Variants in FASN observed in about 807,000 individuals in gnomAD.
FASN encodes 3-hydroxyacyl-[acyl-carrier-protein] dehydratase.
Under a neutral mutation model 250.0 loss-of-function variants are expected in FASN, and 50 were observed. The ratio of observed to expected loss-of-function variants is 0.20; its 90% CI spans 0.16 to 0.25. FASN has a LOEUF of 0.25. Among genes scored for constraint, FASN ranks in the 10% least tolerant of loss-of-function variants. The probability of loss-of-function intolerance (pLI) is 1.00; values close to 1 mark genes in which losing one functional copy is unlikely to be tolerated. For synonymous variants in FASN, 1,909 were observed against 1,584.0 expected (o/e 1.21, Z -4.87); for missense variants, 3,031 against 3,498.5 (o/e 0.87, Z 3.37).
At position 82,085,957 on chromosome 17, in the gene FASN, T is replaced by G. The variant is rs534243788; in HGVS notation, c.3733-86A>C. The G allele has an allele frequency of 7.6e-5, 108 of 1,418,964 alleles. No individual in the cohort carries two copies. The African/African-American group carries it at 1.3e-3, about 17-fold the overall frequency. 87.9% of individuals were successfully genotyped at this position (1,418,964 alleles called of 1,614,324 possible). ...GGGCAAAATGTCCATGAGGCCTCAG[T>G]CTGGCAGAAAGGCTTCCCCGTCAAC... On this transcript the variant is annotated intron_variant, in intron 22 of 42. Coordinates refer to ENST00000306749, the MANE Select transcript of FASN (RefSeq NM_004104.5).
In FASN at chr17:82,078,922, G is replaced by A. The variant is rs560497774; in HGVS notation, c.*221C>T. 1.6e-6 allele frequency: 1 copy of A among 630,496 alleles called. No individual in the cohort carries two copies. The highest frequency in any genetic ancestry group is 2.7e-5 in the Admixed American group (1 of 37,178). The allele number at this position is 630,496 out of a possible 1,614,324, so 39.1% of individuals were successfully genotyped here. Reference sequence around the variant, plus strand: ...GCACCACCGGCTCTTCACAGACCAGGAGTCTCCAAGTCGGCAGCTCTGGTG... The same window carrying A: ...GCACCACCGGCTCTTCACAGACCAGAAGTCTCCAAGTCGGCAGCTCTGGTG... On this transcript the variant is annotated 3_prime_UTR_variant, in exon 43 of 43. Coordinates refer to ENST00000306749, the MANE Select transcript of FASN (RefSeq NM_004104.5). The surrounding 1 kb of genome is among the most constrained non-coding windows in gnomAD (Gnocchi z 5.4).
chr17:82,092,713 T>C lies in FASN; in HGVS notation c.878A>G (p.His293Arg). The C allele has an allele frequency of 6.3e-7, 1 of 1,591,722 alleles. No individual in the cohort carries two copies. The highest frequency in any genetic ancestry group is 8.5e-7 in the Non-Finnish European group (1 of 1,171,334). ...APESFEYIEA[H>R]GTGTKVGDPQ... The stretch of plus-strand genomic sequence containing the variant: ...GGGCATCACCTTGGTGCCTGTGCCG[T>C]GGGCTTCGATGTATTCAAATGACTC... The change falls in exon 7 of 43, where the codon CAC becomes CGC. Residue 293 changes from histidine to arginine, a missense_variant. His to Arg is a conservative substitution (Grantham distance 29, BLOSUM62 0). Transcript: ENST00000306749.
Position 82,093,613 on chromosome 17 carries a change from A to C in FASN, c.439T>G (p.Phe147Val). The change falls in exon 4 of 43, where the codon TTC (phenylalanine) becomes GTC (valine). Residue 147 changes from phenylalanine (F) to valine (V), a missense_variant. Transcript: ENST00000306749. ...CAGGACCCACCTCTGAAGTCGAAGAAGAAGGAGAGCCGGTTGGCCATCATC... is the reference window on the plus strand; with the variant it reads ...CAGGACCCACCTCTGAAGTCGAAGACGAAGGAGAGCCGGTTGGCCATCATC... ...RAMMANRLSF[F>V]FDFRGPSIAL... 6.2e-7 allele frequency: 1 copy of C among 1,612,776 alleles called. No individual in the cohort carries two copies. Among genetic ancestry groups the C allele is most frequent in the Non-Finnish European group, 8.5e-7 (1 of 1,179,976 alleles).
Position 82,080,847 on chromosome 17 carries a change from A to C in FASN, c.6671T>G (p.Val2224Gly). 6.2e-7 allele frequency: 1 copy of C among 1,611,346 alleles called. No homozygotes were observed. The highest frequency in any genetic ancestry group is 8.5e-7 in the Non-Finnish European group (1 of 1,179,550). ...QTQLNLRSLLVNPEGPTLMRL... is the reference protein window; with the variant it reads ...QTQLNLRSLLGNPEGPTLMRL... ...CATCAGGGTGGGGCCCTCCGGGTTCACCAGCAGGGAGCGCAGGTTCAGCTG... is the reference window on the plus strand; with the variant it reads ...CATCAGGGTGGGGCCCTCCGGGTTCCCCAGCAGGGAGCGCAGGTTCAGCTG... The change falls in exon 39 of 43, where the codon GTG (valine) becomes GGG (glycine). Residue 2224 changes from valine (V) to glycine (G), a missense_variant. Val to Gly is a moderately radical substitution (Grantham distance 109). Coordinates refer to ENST00000306749, the MANE Select transcript of FASN (RefSeq NM_004104.5).
chr17:82,096,587 C>T (rs1343196556), intron 1 of FASN, 135 bp from the exon 2 acceptor site: 35 of 1,353,640 alleles, frequency 2.6e-5, no homozygotes, highest in Admixed American at 5.2e-5. Flanking sequence ...CTGGCTCCTG[C>T]GGCTCCCTTC....
chr17:82,080,589 A>C lies in FASN; in HGVS notation c.6828T>G (p.Ala2276=). The C allele has an allele frequency of 6.4e-7, 1 of 1,554,842 alleles. No individual in the cohort carries two copies. The highest frequency in any genetic ancestry group is 8.7e-7 in the Non-Finnish European group (1 of 1,150,038). The change falls in exon 40 of 43, where the codon GCT becomes GCG. Residue 2276 remains alanine (A), a splice_region_variant and synonymous_variant. Coordinates refer to ENST00000306749, the MANE Select transcript of FASN (RefSeq NM_004104.5). ...IPTYGLQCTR[A]APLDSIHSLA... ...GGCTGTGGATGCTGTCAAGGGGCGC[A>C]GCTGCAATGGCAGTGCCGGGCACTC...
At chr17:82,090,662 C>T (rs1377071469) in intron 10 of FASN, 98 bp from the exon 11 acceptor site, 1 of 1,204,576 alleles carries the variant, frequency 8.3e-7, no homozygotes, top group Admixed American at 2.0e-5. Flanking sequence ...CCCCGCGCCC[C>T]ATCGACCCTC....
chr17:82,089,655 T>C lies in FASN; in HGVS notation c.1942A>G (p.Thr648Ala). 2 of 1,604,924 alleles carry C rather than the reference T, an allele frequency of 1.2e-6. No individual in the cohort carries two copies. Among genetic ancestry groups the C allele is most frequent in the Non-Finnish European group, 1.7e-6 (2 of 1,176,626 alleles). The change falls in exon 12 of 43, where the codon ACA (threonine) becomes GCA (alanine). Residue 648 changes from threonine to alanine, a missense_variant. Transcript: ENST00000306749. Reference sequence around the variant, plus strand: ...ACCTGAGGTCCCGAGATGGTGACTGTGTCCTTGGAGTTGTGGCAGGCGGGC... The same window carrying C: ...ACCTGAGGTCCCGAGATGGTGACTGCGTCCTTGGAGTTGTGGCAGGCGGGC... ...VVPACHNSKDTVTISGPQAPV... is the reference protein window; with the variant it reads ...VVPACHNSKDAVTISGPQAPV...
chr17:82,083,306 C>A lies in FASN; in HGVS notation c.5461G>T (p.Gly1821Trp). 6.2e-7 allele frequency: 1 copy of A among 1,612,776 alleles called. No individual in the cohort carries two copies. The highest frequency in any genetic ancestry group is 1.7e-5 in the Admixed American group (1 of 60,030). Residue 1821 changes from glycine to tryptophan, a missense_variant, in exon 32 of 43, where the codon GGG becomes TGG. By Grantham distance (184) the Gly-to-Trp change is radical. Coordinates refer to ENST00000306749, the MANE Select transcript of FASN (RefSeq NM_004104.5). Reference protein sequence around the residue: ...WALVQAGIRDGVVRPLKCTVF... With the variant: ...WALVQAGIRDWVVRPLKCTVF... The stretch of plus-strand genomic sequence containing the variant: ...GTGCACTTGAGGGGCCGTACCACCC[C>A]ATCCCGGATGCCGGCCTGCACAAGC...
chr17:82,089,046 C>T lies in FASN; in HGVS notation c.2227G>A (p.Val743Met). The T allele has an allele frequency of 6.2e-7, 1 of 1,602,866 alleles. No individual in the cohort carries two copies. The highest frequency in any genetic ancestry group is 8.5e-7 in the Non-Finnish European group (1 of 1,175,570). The change falls in exon 14 of 43, where the codon GTG becomes ATG. Residue 743 changes from valine to methionine, a missense_variant. Coordinates refer to ENST00000306749, the MANE Select transcript of FASN (RefSeq NM_004104.5). Reference sequence around the variant, plus strand: ...TGCCACAGGGCCTCCTGGAACAGCACAGGGCTCACCAGGTTGTTGACATTG... The same window carrying T: ...TGCCACAGGGCCTCCTGGAACAGCATAGGGCTCACCAGGTTGTTGACATTG... The part of the protein sequence containing the change: ...EYNVNNLVSP[V>M]LFQEALWHVP...
chr17:82,084,621 C>T lies in FASN; in HGVS notation c.4660G>A (p.Ala1554Thr). Residue 1554 changes from alanine (A) to threonine (T), a missense_variant, in exon 27 of 43, where the codon GCC (alanine) becomes ACC (threonine). Transcript: ENST00000306749. The stretch of plus-strand genomic sequence containing the variant: ...TGGGCGCCAGGGCAGGTGGGCTGGG[C>T]ATGGCGCAGCGAGGAGCAGACCCAG... Reference protein sequence around the residue: ...IRWVCSSLRHAQPTCPGAQLC... With the variant: ...IRWVCSSLRHTQPTCPGAQLC... The T allele has an allele frequency of 1.2e-6, 2 of 1,605,842 alleles. No homozygotes were observed. Among genetic ancestry groups the T allele is most frequent in the Non-Finnish European group, 8.5e-7 (1 of 1,176,972 alleles).
chr17:82,078,869 A>G lies in FASN; in HGVS notation c.*274T>C. On this transcript the variant is annotated 3_prime_UTR_variant, in exon 43 of 43. Transcript: ENST00000306749. The surrounding 1 kb of genome is among the most constrained non-coding windows in gnomAD (Gnocchi z 5.4). ...CAAGCGCAGACCCCACGGGCGCACG[A>G]GGCCCAGCCCAGTTCCTGCGGGCAC... 1.7e-6 allele frequency: 1 copy of G among 571,716 alleles called. No individual in the cohort carries two copies. Among genetic ancestry groups the G allele is most frequent in the African/African-American group, 1.9e-5 (1 of 53,368 alleles). 35.4% of individuals were successfully genotyped at this position (571,716 alleles called of 1,614,324 possible). A position where few individuals can be genotyped will look rare whatever the true frequency, so the allele number is the denominator to read the frequency against.
Position 82,085,695 on chromosome 17 carries a change from G to A in FASN, c.3909C>T (p.Ala1303=), listed in dbSNP as rs781623686. 6.4e-7 allele frequency: 1 copy of A among 1,569,604 alleles called. No individual in the cohort carries two copies. The highest frequency in any genetic ancestry group is 8.6e-7 in the Non-Finnish European group (1 of 1,158,334). The stretch of plus-strand genomic sequence containing the variant: ...GGTCGGCGCTGCCCAGGGCGCTGGG[G>A]GCAGGGTCTGCGGGATCCCACTGGC... ...AQGQWDPADP[A]PSALGSADLL... is the part of the protein sequence containing the mutation. The change falls in exon 23 of 43, where the codon GCC becomes GCT. Residue 1303 remains alanine (A), a synonymous_variant. Coordinates refer to ENST00000306749, the MANE Select transcript of FASN (RefSeq NM_004104.5).
Position 82,091,211 on chromosome 17 carries a change from T to A in FASN, c.1492+11A>T. 1 of 1,601,216 alleles carries A rather than the reference T, an allele frequency of 6.2e-7. No homozygotes were observed. Among genetic ancestry groups the A allele is most frequent in the Non-Finnish European group, 8.5e-7 (1 of 1,176,850 alleles). On this transcript the variant is annotated intron_variant, in intron 9 of 42. Transcript: ENST00000306749. The stretch of plus-strand genomic sequence containing the variant: ...GGAAGGGACCACCTTGGGGGCAGAG[T>A]GTGGGCTCACCAGAGCAGATGAACC...
intron 1 of FASN, chr17:82,097,370 G>C (rs953883781): frequency 2.6e-5 from 4 of 152,358 alleles, no homozygotes; most frequent in African/African-American, 7.2e-5. Context: ...TGGGGGGAGG[G>C]GGCGGAGGCC....
At chr17:82,095,257 CACTGCCTATT>C in intron 3 of FASN, 53 bp downstream of exon 3, 1 of 1,569,118 alleles carries the variant, frequency 6.4e-7, no homozygotes. Context: ...GAAGAGAAAA[CACTGCCTATT>C]CCACGTGAGC....
Position 82,079,468 on chromosome 17 carries a change from G to C in FASN, c.7287C>G (p.Ala2429=), listed in dbSNP as rs565494798. ...TGGCCTTGGGTGTGTACTGCTCAGC[G>C]GCACGCAGCTTGTAGTAGAAGGACC... The part of the protein sequence containing the change: ...AARSFYYKLR[A]AEQYTPKAKY... The change falls in exon 42 of 43, where the codon GCC becomes GCG. Residue 2429 remains alanine, a synonymous_variant. Coordinates refer to ENST00000306749, the MANE Select transcript of FASN (RefSeq NM_004104.5). 1 of 1,612,928 alleles carries C rather than the reference G, an allele frequency of 6.2e-7. No homozygotes were observed. Among genetic ancestry groups the C allele is most frequent in the Non-Finnish European group, 8.5e-7 (1 of 1,179,982 alleles).
chr17:82,082,824 C>G, intron 33 of FASN, 90 bp downstream of exon 33: 1 of 1,566,008 alleles, frequency 6.4e-7, no homozygotes, highest in Non-Finnish European at 8.7e-7. Flanking sequence ...GGCACCGTGA[C>G]AGCCCACAAT....
At position 82,088,250 on chromosome 17, in the gene FASN, A is replaced by G; in HGVS notation, c.2651T>C (p.Val884Ala). Residue 884 changes from valine to alanine, a missense_variant, in exon 17 of 43, where the codon GTC becomes GCC. By Grantham distance (64) the Val-to-Ala change is moderately conservative. Transcript: ENST00000306749. ...CAGGTAGCCAGTGGCGGGGAAGAGG[A>G]CGCGACCGTCGAGGGTGTGGTCCAC... ...YLVDHTLDGRVLFPATGYLSI... is the reference protein window; with the variant it reads ...YLVDHTLDGRALFPATGYLSI... The G allele has an allele frequency of 6.2e-7, 1 of 1,607,684 alleles. No homozygotes were observed. Among genetic ancestry groups the G allele is most frequent in the Non-Finnish European group, 8.5e-7 (1 of 1,179,916 alleles).
Sources: gnomAD v4.1 joint callset for allele counts on GRCh38, gnomAD v4.1.1 for gene constraint, Gnocchi (gnomAD v3.1) non-coding constraint, MANE v1.5 for transcripts, NCBI Gene and HGNC (gene_info 2026-07-23, HGNC 2026-07-21) for gene names.